The following TAX1BP1 variants were observed in gnomAD, a reference collection of about 807,000 sequenced individuals.
TAX1BP1 encodes the protein Tax1 binding protein 1, also known as tax1-binding protein 1.
TAX1BP1 carries 62 observed loss-of-function variants against 97.7 expected under a neutral mutation model. The ratio of observed to expected loss-of-function variants is 0.63; its 90% confidence interval spans 0.52 to 0.78. The LOEUF is 0.78. Ranked by LOEUF, TAX1BP1 falls within the 30% of genes least tolerant of loss-of-function variation. The pLI is 0.00. For synonymous variants in TAX1BP1, 340 were observed against 304.2 expected (o/e 1.12, Z -1.23); for missense variants, 867 against 916.1 (o/e 0.95, Z 0.69).
At chr7:27,755,294 C>G (rs1372280908) in intron 2 of TAX1BP1, among the ~76,000 whole-genome samples, 1 of 152,122 alleles carries the variant, frequency 6.6e-6, no homozygotes, top group Non-Finnish European at 1.5e-5. Context: ...GGGAATCCTC[C>G]TATATCCATA....
intron 2 of TAX1BP1, among the ~76,000 whole-genome samples, chr7:27,749,490 A>C (rs150605110): frequency 0.011 from 1,748 of 152,304 alleles, 30 homozygotes; most frequent in African/African-American, 0.038. Context: ...TGATTGTCTA[A>C]TCTGTATAAA....
At chr7:27,801,403 C>T (rs1159820896) in intron 13 of TAX1BP1, among the ~76,000 whole-genome samples, 2 of 152,062 alleles carry the variant, frequency 1.3e-5, no homozygotes, top group African/African-American at 4.8e-5. Flanking sequence ...CTTATTATTT[C>T]TGTGATCCTT....
At chr7:27,752,316 G>A (rs1196503663) in intron 2 of TAX1BP1, among the ~76,000 whole-genome samples, 2 of 152,142 alleles carry the variant, frequency 1.3e-5, no homozygotes, top group East Asian at 3.9e-4. Flanking sequence ...AGTTGGGGAG[G>A]GCTTGAGTAT....
At chr7:27,823,739 A>C (rs1364640039) in intron 15 of TAX1BP1, among the ~76,000 whole-genome samples, 2 of 152,196 alleles carry the variant, frequency 1.3e-5, no homozygotes, top group Non-Finnish European at 2.9e-5. Context: ...TTCATCTTGT[A>C]AAACTGAACT....
chr7:27,767,217 T>C (rs575209470), intron 4 of TAX1BP1, among the ~76,000 whole-genome samples: 160 of 152,280 alleles, frequency 1.1e-3, no homozygotes, highest in African/African-American at 3.7e-3. Context: ...AGAAAAATAG[T>C]TTCTCAAATT....
chr7:27,746,614 C>G (rs921515964), intron 1 of TAX1BP1, among the ~76,000 whole-genome samples: 3 of 151,990 alleles, frequency 2.0e-5, no homozygotes, highest in African/African-American at 7.3e-5. Context: ...CTTTAGGTTA[C>G]CAGGTAGAGA....
chr7:27,753,405 C>T (rs574930075), intron 2 of TAX1BP1, among the ~76,000 whole-genome samples: 7 of 152,204 alleles, frequency 4.6e-5, no homozygotes, highest in South Asian at 4.1e-4. Flanking sequence ...AGTTTTGTTC[C>T]GTTTTGTGTT....
intron 9 of TAX1BP1, 146 bp downstream of exon 9, chr7:27,792,376 G>A: frequency 1.3e-6 from 1 of 786,382 alleles, no homozygotes; most frequent in East Asian, 2.7e-5. Context: ...TAGTCATTGT[G>A]ACTTCTTGGC....
At chr7:27,747,878 T>A (rs1173579042) in intron 1 of TAX1BP1, among the ~76,000 whole-genome samples, 1 of 151,516 alleles carries the variant, frequency 6.6e-6, no homozygotes, top group Non-Finnish European at 1.5e-5. Flanking sequence ...TTTTTTTTTT[T>A]AAAGGCCCCT....
At position 27,786,307 on chromosome 7, in the gene TAX1BP1, A is replaced by AT. The variant is rs539150799; in HGVS notation, c.852+825dup. Among the ~76,000 whole-genome samples the AT allele has an allele frequency of 3.2e-3, 482 of 151,384 alleles. 2 individuals carry two copies. Among genetic ancestry groups the AT allele is most frequent in the African/African-American group, 0.011 (458 of 41,258 alleles). The stretch of plus-strand genomic sequence containing the variant: ...CGACCACGTCCGGCTAATTTTTTGT[A>AT]TTTTTTTAGTAGAGACGAGGTTTCA... On this transcript the variant is annotated intron_variant, in intron 7 of 16. Coordinates refer to ENST00000396319, the MANE Select transcript of TAX1BP1 (RefSeq NM_006024.7).
chr7:27,791,869 C>G, intron 8 of TAX1BP1, 137 bp from the exon 9 acceptor site: 1 of 717,890 alleles, frequency 1.4e-6, no homozygotes, highest in Non-Finnish European at 2.3e-6. Flanking sequence ...TTTTTGTAGG[C>G]ATATACTCTG....
chr7:27,791,802 A>G (rs1159231116), intron 8 of TAX1BP1, among the ~76,000 whole-genome samples: 2 of 152,184 alleles, frequency 1.3e-5, no homozygotes, highest in Non-Finnish European at 2.9e-5. Context: ...AGTAGCAGTG[A>G]AACCAAGTAC....
At chr7:27,799,050 A>G (rs1790039495) in intron 12 of TAX1BP1, among the ~76,000 whole-genome samples, 1 of 152,132 alleles carries the variant, frequency 6.6e-6, no homozygotes, top group Non-Finnish European at 1.5e-5. Context: ...TTTATGTTTT[A>G]TGCTTTTTAC....
chr7:27,775,775 A>G (rs1789009622), intron 5 of TAX1BP1, among the ~76,000 whole-genome samples: 1 of 152,128 alleles, frequency 6.6e-6, no homozygotes, highest in Non-Finnish European at 1.5e-5. Flanking sequence ...CAGCATGCTC[A>G]AGACATCTTG....
chr7:27,749,338 A>G lies in TAX1BP1; in HGVS notation c.162+652A>G, dbSNP rs559398509. 3.3e-5 allele frequency among the ~76,000 whole-genome samples: 5 copies of G among 152,336 alleles called. No individual in the cohort carries two copies. In the South Asian group the frequency reaches 8.3e-4, roughly 25 times the overall value. On this transcript the variant is annotated intron_variant, in intron 2 of 16. Transcript: ENST00000396319. ...AAAATGTAGTGGAAAACCAAAACATAAGAATGTCCTCTGAGCAGTCAAAAT... is the reference window on the plus strand; with the variant it reads ...AAAATGTAGTGGAAAACCAAAACATGAGAATGTCCTCTGAGCAGTCAAAAT...
At chr7:27,799,920 T>G (rs1790068188) in intron 12 of TAX1BP1, 45 bp from the exon 13 acceptor site, 1 of 1,497,004 alleles carries the variant, frequency 6.7e-7, no homozygotes, top group Non-Finnish European at 9.1e-7. Context: ...ATTTTCACTC[T>G]ACATGAATTT....
chr7:27,814,454 TGG>T (rs541258409), intron 13 of TAX1BP1, among the ~76,000 whole-genome samples: 1 of 151,802 alleles, frequency 6.6e-6, no homozygotes, highest in Non-Finnish European at 1.5e-5. Flanking sequence ...ATAGTTAATT[TGG>T]GGGGGGAATT....
chr7:27,752,734 C>T (rs1473516022), intron 2 of TAX1BP1, among the ~76,000 whole-genome samples: 1 of 152,168 alleles, frequency 6.6e-6, no homozygotes, highest in African/African-American at 2.4e-5. Flanking sequence ...GAATTTTATA[C>T]ATTCACCTCT....
At chr7:27,792,510 C>A (rs1341191591) in intron 9 of TAX1BP1, among the ~76,000 whole-genome samples, 3 of 152,164 alleles carry the variant, frequency 2.0e-5, no homozygotes, top group Non-Finnish European at 4.4e-5. Context: ...GAATTTCTTA[C>A]TAGCTGTATA....
Sources: allele counts gnomAD v4.1 joint callset (sites outside exome capture counted in the v4.1 genomes callset), GRCh38; gene constraint gnomAD v4.1.1; transcripts MANE v1.5; gene names NCBI Gene and HGNC (gene_info 2026-07-23, HGNC 2026-07-21).